Variants in VMO1 observed in about 807,000 individuals in gnomAD.
VMO1 encodes the protein vitelline membrane outer layer protein 1 homolog.
Under a neutral mutation model 10.1 loss-of-function variants are expected in VMO1, and 13 were observed. The ratio of observed to expected loss-of-function variants is 1.29; its 90% CI spans 0.84 to 2.05. The LOEUF (loss-of-function observed/expected upper bound fraction) is 2.05. VMO1 is among the 30% of genes most tolerant of loss of function. The pLI, the probability that VMO1 is intolerant of heterozygous loss-of-function variation, is 0.00. For missense variants in VMO1, 304 were observed against 276.9 expected (o/e 1.10, Z -0.70); for synonymous variants, 117 against 122.2 (o/e 0.96, Z 0.28).
chr17:4,786,166 A>G lies in VMO1; in HGVS notation c.187T>C (p.Ser63Pro). The G allele has an allele frequency of 1.9e-6, 3 of 1,602,778 alleles. No individual in the cohort carries two copies. Among genetic ancestry groups the G allele is most frequent in the Middle Eastern group, 1.7e-4 (1 of 6,018 alleles). ...CPDGFFASGF[S>P]LKVEPPQGIP... ...TACGCCTGAGCCCCAACCTTGAGCGAGAACCCGCTGGCGAAGAATCCATCG... is the reference window on the plus strand; with the variant it reads ...TACGCCTGAGCCCCAACCTTGAGCGGGAACCCGCTGGCGAAGAATCCATCG... Residue 63 changes from serine to proline, a missense_variant, in exon 1 of 3, where the codon TCG (serine) becomes CCG (proline). Coordinates refer to ENST00000328739, the MANE Select transcript of VMO1 (RefSeq NM_182566.3).
chr17:4,786,163 G>A lies in VMO1; in HGVS notation c.190C>T (p.Leu64Phe). The change falls in exon 1 of 3, where the codon CTC becomes TTC. Residue 64 changes from leucine (L) to phenylalanine (F), a missense_variant. Transcript: ENST00000328739. The part of the protein sequence containing the change: ...PDGFFASGFS[L>F]KVEPPQGIPG... ...ACCTACGCCTGAGCCCCAACCTTGA[G>A]CGAGAACCCGCTGGCGAAGAATCCA... The A allele has an allele frequency of 1.2e-6, 2 of 1,602,636 alleles. No homozygotes were observed. The highest frequency in any genetic ancestry group is 1.7e-6 in the Non-Finnish European group (2 of 1,171,674).
At position 4,785,543 on chromosome 17, in the gene VMO1, C is replaced by T. The variant is rs757050313; in HGVS notation, c.428G>A (p.Arg143His). 3.4e-5 allele frequency: 55 copies of T among 1,614,062 alleles called. No homozygotes were observed. In the Middle Eastern group the frequency reaches 6.6e-4, roughly 19 times the overall value. Residue 143 changes from arginine to histidine, a missense_variant, in exon 3 of 3, where the codon CGC becomes CAC. Arg to His is a conservative substitution (Grantham distance 29, BLOSUM62 0). Coordinates refer to ENST00000328739, the MANE Select transcript of VMO1 (RefSeq NM_182566.3). ...TTCCTCGCCGTCTGAACAGCGGAAG[C>T]GCACGTTGTTCGCTGCTGTGTTGTC... ...LGDNTAANNVRFRCSDGEELQ... is the reference protein window; with the variant it reads ...LGDNTAANNVHFRCSDGEELQ...
intron 2 of VMO1, 115 bp downstream of exon 2, chr17:4,785,822 G>C: frequency 1.2e-5 from 18 of 1,552,556 alleles, no homozygotes; most frequent in Middle Eastern, 1.9e-4. Flanking sequence ...TCGCCTCCCC[G>C]GTCTATACTG....
rs1917432087 is a variant in VMO1 at position 4,785,336 on chromosome 17, G to T, written c.*26C>A. The T allele has an allele frequency of 6.3e-7, 1 of 1,591,144 alleles. No individual in the cohort carries two copies. Among genetic ancestry groups the T allele is most frequent in the Non-Finnish European group, 8.6e-7 (1 of 1,167,614 alleles). The stretch of plus-strand genomic sequence containing the variant: ...GAGGTGGGACTAGCCTCCTGGCCCG[G>T]GAGAGAGCGGCGGCGGCGGCGCCGT... On this transcript the variant is annotated 3_prime_UTR_variant, in exon 3 of 3. Coordinates refer to ENST00000328739, the MANE Select transcript of VMO1 (RefSeq NM_182566.3).
At position 4,786,190 on chromosome 17, in the gene VMO1, C is replaced by T. The variant is rs2150651930; in HGVS notation, c.163G>A (p.Asp55Asn). 6.2e-7 allele frequency: 1 copy of T among 1,604,894 alleles called. No individual in the cohort carries two copies. The highest frequency in any genetic ancestry group is 1.1e-5 in the South Asian group (1 of 90,104). The change falls in exon 1 of 3, where the codon GAT becomes AAT. Residue 55 changes from aspartate (D) to asparagine (N), a missense_variant. Asp to Asn is a conservative substitution (Grantham distance 23). Transcript: ENST00000328739. ...GDWAWPEMCP[D>N]GFFASGFSLK... ...GAGAACCCGCTGGCGAAGAATCCATCGGGACACATCTCAGGCCAGGCCCAG... is the reference window on the plus strand; with the variant it reads ...GAGAACCCGCTGGCGAAGAATCCATTGGGACACATCTCAGGCCAGGCCCAG...
Position 4,785,959 on chromosome 17 carries a change from C to CG in VMO1, c.288dup (p.Val97ArgfsTer14), listed in dbSNP as rs2150651670. ...CACCTTCCAGACTGGGACTCTACCA[C>CG]GTGCGTATTGCCTAGGACGTTCCCG... is the stretch of plus-strand genomic sequence containing the variant. On this transcript the variant is annotated frameshift_variant, in exon 2 of 3. Coordinates refer to ENST00000328739, the MANE Select transcript of VMO1 (RefSeq NM_182566.3). LOFTEE classifies it low-confidence loss of function (END_TRUNC). 3 of 1,614,182 alleles carry CG rather than the reference C, an allele frequency of 1.9e-6. No homozygotes were observed. Among genetic ancestry groups the CG allele is most frequent in the Non-Finnish European group, 2.5e-6 (3 of 1,180,028 alleles).
At position 4,786,266 on chromosome 17, in the gene VMO1, C is replaced by G; in HGVS notation, c.87G>C (p.Arg29=). The change falls in exon 1 of 3, where the codon CGG becomes CGC. Residue 29 remains arginine, a synonymous_variant. Coordinates refer to ENST00000328739, the MANE Select transcript of VMO1 (RefSeq NM_182566.3). The stretch of plus-strand genomic sequence containing the variant: ...CTTCGATGACCGCCGTGTAGCCGTT[C>G]CGGCCATCTGTCTGTGCACATGTGA... ...TGFTCAQTDG[R]NGYTAVIEVT... is the part of the protein sequence containing the mutation. 6.2e-7 allele frequency: 1 copy of G among 1,611,984 alleles called. No individual in the cohort carries two copies.
rs73339972 is a variant in VMO1, at chr17:4,786,069, G to C, written c.196-17C>G. On this transcript the variant is annotated splice_polypyrimidine_tract_variant and intron_variant, in intron 1 of 2. Coordinates refer to ENST00000328739, the MANE Select transcript of VMO1 (RefSeq NM_182566.3). ...AGGCTCCACCTGGGTATCGAGGAGAGGGGCAAGGGCGAGTCACGGAATTAT... is the reference window on the plus strand; with the variant it reads ...AGGCTCCACCTGGGTATCGAGGAGACGGGCAAGGGCGAGTCACGGAATTAT... 5 of 1,614,084 alleles carry C rather than the reference G, an allele frequency of 3.1e-6. No individual in the cohort carries two copies. Among genetic ancestry groups the C allele is most frequent in the Non-Finnish European group, 4.2e-6 (5 of 1,179,964 alleles).
rs750982049 is a variant in VMO1, at chr17:4,785,493, C to G, written c.478G>C (p.Gly160Arg). 2.5e-6 allele frequency: 4 copies of G among 1,614,106 alleles called. No individual in the cohort carries two copies. In the East Asian group the frequency reaches 8.9e-5, roughly 36 times the overall value. ...EELQGPGLSW[G>R]DFGDWSDHCP... is the part of the protein sequence containing the mutation. ...TGGTCACTCCAGTCTCCAAAGTCTC[C>G]CCAGCTCAGCCCAGGCCCCTGCAGT... Residue 160 changes from glycine to arginine, a missense_variant, in exon 3 of 3, where the codon GGA (glycine) becomes CGA (arginine). Physicochemically the swap from Gly to Arg is moderately radical, Grantham distance 125. Coordinates refer to ENST00000328739, the MANE Select transcript of VMO1 (RefSeq NM_182566.3).
intron 1 of VMO1, 51 bp from the exon 2 acceptor site, chr17:4,786,103 G>A: frequency 6.2e-7 from 1 of 1,613,110 alleles, no homozygotes; most frequent in African/African-American, 1.3e-5. Context: ...ATCATCCTTG[G>A]CTCTATGGTC....
intron 2 of VMO1, 115 bp downstream of exon 2, chr17:4,785,822 G>T: frequency 5.2e-6 from 8 of 1,552,554 alleles, no homozygotes; most frequent in Non-Finnish European, 7.0e-6. Context: ...TCGCCTCCCC[G>T]GTCTATACTG....
At position 4,786,288 on chromosome 17, in the gene VMO1, G is replaced by A. The variant is rs1363476321; in HGVS notation, c.65C>T (p.Thr22Ile). 3.1e-6 allele frequency: 5 copies of A among 1,608,964 alleles called. No individual in the cohort carries two copies. The Admixed American group carries it at 6.7e-5, about 22-fold the overall frequency. ...GTTCCGGCCATCTGTCTGTGCACAT[G>A]TGAAACCAGTCGCCCGCAGAAGCAG... ...LLLLLRATGF[T>I]CAQTDGRNGY... Residue 22 changes from threonine to isoleucine, a missense_variant, in exon 1 of 3, where the codon ACA becomes ATA. Coordinates refer to ENST00000328739, the MANE Select transcript of VMO1 (RefSeq NM_182566.3).
chr17:4,785,822 G>A (rs1008565068), intron 2 of VMO1, 115 bp downstream of exon 2: 2 of 1,552,438 alleles, frequency 1.3e-6, no homozygotes, highest in Non-Finnish European at 1.7e-6. Context: ...TCGCCTCCCC[G>A]GTCTATACTG....
chr17:4,785,960 G>A lies in VMO1; in HGVS notation c.288C>T (p.His96=), dbSNP rs377261106. 6.2e-6 allele frequency: 10 copies of A among 1,614,110 alleles called. No homozygotes were observed. Among genetic ancestry groups the A allele is most frequent in the Admixed American group, 3.3e-5 (2 of 60,030 alleles). ...CARGNVLGNT[H]VVESQSGSWG... is the part of the protein sequence containing the mutation. ...ACCTTCCAGACTGGGACTCTACCAC[G>A]TGCGTATTGCCTAGGACGTTCCCGC... Residue 96 remains histidine (H), a synonymous_variant, in exon 2 of 3, where the codon CAC becomes CAT. Transcript: ENST00000328739.
At chr17:4,785,846 G>A in intron 2 of VMO1, 91 bp downstream of exon 2, 1 of 1,579,914 alleles carries the variant, frequency 6.3e-7, no homozygotes, top group Non-Finnish European at 8.6e-7. Context: ...CGTAGCTCTG[G>A]CGGAGCCAGC....
At position 4,786,046 on chromosome 17, in the gene VMO1, G is replaced by T. The variant is rs1181335009; in HGVS notation, c.202C>A (p.Pro68Thr). 4.3e-6 allele frequency: 7 copies of T among 1,614,082 alleles called. No individual in the cohort carries two copies. The highest frequency in any genetic ancestry group is 4.0e-5 in the African/African-American group (3 of 74,948). Residue 68 changes from proline to threonine, a missense_variant, in exon 2 of 3, where the codon CCT (proline) becomes ACT (threonine). By Grantham distance (38) the Pro-to-Thr change is conservative. Transcript: ENST00000328739. ...TCGTCGCCAGGAATGCCTTGGGGAG[G>T]CTCCACCTGGGTATCGAGGAGAGGG... Reference protein sequence around the residue: ...FASGFSLKVEPPQGIPGDDTA... With the variant: ...FASGFSLKVETPQGIPGDDTA...
rs746356352 is a variant in VMO1 at position 4,786,184 on chromosome 17, A to C, written c.169T>G (p.Phe57Val). The change falls in exon 1 of 3, where the codon TTC (phenylalanine) becomes GTC (valine). Residue 57 changes from phenylalanine to valine, a missense_variant. By Grantham distance (50) the Phe-to-Val change is conservative. Coordinates refer to ENST00000328739, the MANE Select transcript of VMO1 (RefSeq NM_182566.3). The part of the protein sequence containing the change: ...WAWPEMCPDG[F>V]FASGFSLKVE... ...TTGAGCGAGAACCCGCTGGCGAAGAATCCATCGGGACACATCTCAGGCCAG... is the reference window on the plus strand; with the variant it reads ...TTGAGCGAGAACCCGCTGGCGAAGACTCCATCGGGACACATCTCAGGCCAG... The C allele has an allele frequency of 1.1e-4, 179 of 1,602,696 alleles. No homozygotes were observed. The highest frequency in any genetic ancestry group is 1.5e-4 in the Non-Finnish European group (172 of 1,172,110).
Position 4,785,522 on chromosome 17 carries a change from T to G in VMO1, c.449A>C (p.Glu150Ala). ...NNVRFRCSDG[E>A]ELQGPGLSWG... ...GCTCAGCCCAGGCCCCTGCAGTTCC[T>G]CGCCGTCTGAACAGCGGAAGCGCAC... Residue 150 changes from glutamate to alanine, a missense_variant, in exon 3 of 3, where the codon GAG (glutamate) becomes GCG (alanine). Coordinates refer to ENST00000328739, the MANE Select transcript of VMO1 (RefSeq NM_182566.3). 1 of 1,614,222 alleles carries G rather than the reference T, an allele frequency of 6.2e-7. No homozygotes were observed. Among genetic ancestry groups the G allele is most frequent in the South Asian group, 1.1e-5 (1 of 91,090 alleles).
At position 4,785,534 on chromosome 17, in the gene VMO1, C is replaced by G. The variant is rs748362271; in HGVS notation, c.437G>C (p.Cys146Ser). 2.5e-6 allele frequency: 4 copies of G among 1,614,128 alleles called. No individual in the cohort carries two copies. Among genetic ancestry groups the G allele is most frequent in the African/African-American group, 1.3e-5 (1 of 74,954 alleles). The change falls in exon 3 of 3, where the codon TGT (cysteine) becomes TCT (serine). Residue 146 changes from cysteine to serine, a missense_variant. Transcript: ENST00000328739. ...NTAANNVRFR[C>S]SDGEELQGPG... Reference sequence around the variant, plus strand: ...CCCCTGCAGTTCCTCGCCGTCTGAACAGCGGAAGCGCACGTTGTTCGCTGC... The same window carrying G: ...CCCCTGCAGTTCCTCGCCGTCTGAAGAGCGGAAGCGCACGTTGTTCGCTGC...
Sources: gnomAD v4.1 joint callset for allele counts on GRCh38, gnomAD v4.1.1 for gene constraint, MANE v1.5 for transcripts, NCBI Gene and HGNC (gene_info 2026-07-23, HGNC 2026-07-21) for gene names.